Variants in FAM107B observed in about 807,000 individuals in gnomAD.
FAM107B encodes the protein family with sequence similarity 107 member B.
FAM107B carries 21 observed loss-of-function variants against 31.5 expected under a neutral mutation model. That is an observed-to-expected ratio of 0.67 (90% CI 0.47 to 0.96). The LOEUF is 0.96. Ranked by LOEUF, FAM107B falls within the 40% of genes least tolerant of loss-of-function variation. The pLI is 0.00. For missense variants in FAM107B, 452 were observed against 377.1 expected, an observed-to-expected ratio of 1.20 and a Z score of -1.64; for synonymous variants, 157 against 141.5, an observed-to-expected ratio of 1.11 and a Z score of -0.78.
At chr10:14,546,157 C>T (rs1343025500) in intron 2 of FAM107B, among the ~76,000 whole-genome samples, 1 of 152,246 alleles carries the variant, frequency 6.6e-6, no homozygotes, top group African/African-American at 2.4e-5. Context: ...TGTTCAACTT[C>T]CTCATTATGA....
chr10:14,728,671 C>T (rs1037932032), intron 1 of FAM107B, among the ~76,000 whole-genome samples: 1 of 152,194 alleles, frequency 6.6e-6, no homozygotes, highest in Non-Finnish European at 1.5e-5. Context: ...AAGCAGTCAG[C>T]TGTGGGGGGA....
At chr10:14,756,182 T>G (rs1292925297) in intron 1 of FAM107B, among the ~76,000 whole-genome samples, 7 of 152,206 alleles carry the variant, frequency 4.6e-5, no homozygotes, top group Admixed American at 4.6e-4. Flanking sequence ...CTTCATATAT[T>G]CTTCTCACTT....
chr10:14,712,614 A>G (rs1450726551), intron 1 of FAM107B, among the ~76,000 whole-genome samples: 2 of 103,094 alleles, frequency 1.9e-5, no homozygotes, highest in Non-Finnish European at 3.9e-5. Context: ...CTCCCACCAA[A>G]AAACAAAAAA....
At chr10:14,721,885 A>C (rs1016499769) in intron 1 of FAM107B, among the ~76,000 whole-genome samples, 3 of 152,120 alleles carry the variant, frequency 2.0e-5, no homozygotes, top group Non-Finnish European at 4.4e-5. Context: ...TTTTGTTGCC[A>C]TTGCTTTTGG....
chr10:14,614,699 A>G (rs1340489131), intron 2 of FAM107B, among the ~76,000 whole-genome samples: 1 of 149,256 alleles, frequency 6.7e-6, no homozygotes, highest in Non-Finnish European at 1.5e-5. Flanking sequence ...AAAAAAAGAG[A>G]CTTAGAGAAG....
At chr10:14,634,853 G>A (rs574573670) in intron 2 of FAM107B, among the ~76,000 whole-genome samples, 1 of 152,256 alleles carries the variant, frequency 6.6e-6, no homozygotes, top group East Asian at 1.9e-4. Flanking sequence ...ACTTTAGGAG[G>A]CCGAGGCAGG....
At position 14,731,036 on chromosome 10, in the gene FAM107B, C is replaced by T. The variant is rs1856160932; in HGVS notation, c.411+43217G>A. The stretch of plus-strand genomic sequence containing the variant: ...ACCATGACTGGAATCAGGGAGAGGG[C>T]TTAGCAGGCACAGGCGGATATTACA... On this transcript the variant is annotated intron_variant, in intron 1 of 4. Transcript: ENST00000181796. Among the ~76,000 whole-genome samples the T allele has an allele frequency of 2.0e-5, 3 of 152,128 alleles. No homozygotes were observed. In the South Asian group the frequency reaches 6.2e-4, roughly 31 times the overall value.
At chr10:14,771,954 A>G (rs1833313374) in intron 1 of FAM107B, among the ~76,000 whole-genome samples, 1 of 152,242 alleles carries the variant, frequency 6.6e-6, no homozygotes. Context: ...GGAGTCAAAC[A>G]GAAGTGGGTT....
chr10:14,679,514 A>G (rs987627095), intron 1 of FAM107B, among the ~76,000 whole-genome samples: 3 of 152,210 alleles, frequency 2.0e-5, no homozygotes, highest in African/African-American at 7.2e-5. Flanking sequence ...CTACTTCCCT[A>G]ATCACTGTGA....
intron 2 of FAM107B, among the ~76,000 whole-genome samples, chr10:14,641,006 G>C (rs1425147672): frequency 3.9e-5 from 6 of 152,154 alleles, no homozygotes; most frequent in Non-Finnish European, 8.8e-5. Context: ...GGACTCAAAG[G>C]ATTTATGGTG....
chr10:14,615,778 G>A (rs150567105), intron 2 of FAM107B, among the ~76,000 whole-genome samples: 4 of 152,262 alleles, frequency 2.6e-5, no homozygotes, highest in African/African-American at 9.6e-5. Flanking sequence ...TTCCATACTC[G>A]AGAAGCTAAC....
At chr10:14,718,211 C>T (rs907439697) in intron 1 of FAM107B, among the ~76,000 whole-genome samples, 2 of 152,096 alleles carry the variant, frequency 1.3e-5, no homozygotes, top group African/African-American at 4.8e-5. Context: ...CCTGTAGTCC[C>T]AGCTACTCAG....
intron 1 of FAM107B, among the ~76,000 whole-genome samples, chr10:14,767,380 C>A (rs1340407443): frequency 1.3e-5 from 2 of 151,906 alleles, no homozygotes; most frequent in East Asian, 3.9e-4. Flanking sequence ...GCATGAGCCA[C>A]CGCACCCGGC....
intron 1 of FAM107B, among the ~76,000 whole-genome samples, chr10:14,717,794 T>A (rs2131545728): frequency 6.6e-6 from 1 of 152,096 alleles, no homozygotes; most frequent in East Asian, 1.9e-4. Flanking sequence ...CATCTAGGCA[T>A]TCCTGAATCC....
chr10:14,732,104 T>C (rs1869228), intron 1 of FAM107B, among the ~76,000 whole-genome samples: 58,591 of 152,056 alleles, frequency 0.39, 13,838 homozygotes, highest in African/African-American at 0.68. Context: ...CAGAAGTGCC[T>C]CAGTTTCTAT....
chr10:14,711,681 T>C (rs994673130), intron 1 of FAM107B, among the ~76,000 whole-genome samples: 1 of 152,204 alleles, frequency 6.6e-6, no homozygotes, highest in African/African-American at 2.4e-5. Flanking sequence ...TCTCGTTCTG[T>C]CGCGCAGGCT....
intron 1 of FAM107B, among the ~76,000 whole-genome samples, chr10:14,750,737 A>G (rs1286027290): frequency 6.6e-6 from 1 of 152,188 alleles, no homozygotes; most frequent in Non-Finnish European, 1.5e-5. Context: ...GCTTGAGCCT[A>G]GGAGTTTGAG....
At chr10:14,698,995 G>C (rs1564629709) in intron 1 of FAM107B, among the ~76,000 whole-genome samples, 1 of 152,156 alleles carries the variant, frequency 6.6e-6, no homozygotes, top group East Asian at 1.9e-4. Flanking sequence ...CAAAAATCTT[G>C]AGAACAGCAC....
At chr10:14,708,706 G>A (rs1425372039) in intron 1 of FAM107B, among the ~76,000 whole-genome samples, 1 of 152,140 alleles carries the variant, frequency 6.6e-6, no homozygotes, top group Non-Finnish European at 1.5e-5. Flanking sequence ...ACAAGACTAG[G>A]AGAAAATATT....
Sources: allele counts gnomAD v4.1 joint callset (sites outside exome capture counted in the v4.1 genomes callset), GRCh38; gene constraint gnomAD v4.1.1; transcripts MANE v1.5; gene names NCBI Gene and HGNC (gene_info 2026-07-23, HGNC 2026-07-21).